Variants in MORC2 observed in about 807,000 individuals in gnomAD.
MORC2 encodes the protein MORC family CW-type zinc finger 2, also known as ATPase MORC2.
In MORC2, 30 loss-of-function variants were observed where a neutral mutation model predicts 136.0. That is an observed-to-expected ratio of 0.22 (90% CI 0.17 to 0.30). The LOEUF is 0.30. Among genes scored for constraint, MORC2 ranks in the 10% least tolerant of loss-of-function variants. The pLI is 1.00. For synonymous variants in MORC2, 439 were observed against 487.0 expected (o/e 0.90, Z 1.30); for missense variants, 922 against 1,333.1 (o/e 0.69, Z 4.80).
intron 4 of MORC2, 39 bp downstream of exon 4, chr22:30,950,338 C>CGGGGGGGGGGG: frequency 1.4e-6 from 1 of 695,174 alleles, no homozygotes; most frequent in Non-Finnish European, 2.6e-6. Flanking sequence ...GGTTACATCG[C>CGGGGGGGGGGG]ACCCCCCCAC....
At chr22:30,952,270 G>A (rs2040899863) in intron 3 of MORC2, among the ~76,000 whole-genome samples, 1 of 152,244 alleles carries the variant, frequency 6.6e-6, no homozygotes, top group South Asian at 2.1e-4. Context: ...GCCATTTGCT[G>A]TACACTACAG....
rs1287544201 is a variant in MORC2, at chr22:30,925,298, A to C, written c.*1505T>G. The C allele has an allele frequency of 1.1e-5, 3 of 282,306 alleles. No homozygotes were observed. The highest frequency in any genetic ancestry group is 3.4e-5 in the South Asian group (1 of 29,040). 17.5% of individuals were successfully genotyped at this position (282,306 alleles called of 1,614,324 possible). On this transcript the variant is annotated 3_prime_UTR_variant, in exon 26 of 26. Transcript: ENST00000397641. ...CCCATGCTGCCTGAGATGAAGAGAGAGAGCAGGATGGCAGAGGAATCACCA... is the reference window on the plus strand; with the variant it reads ...CCCATGCTGCCTGAGATGAAGAGAGCGAGCAGGATGGCAGAGGAATCACCA...
intron 4 of MORC2, 25 bp downstream of exon 4, chr22:30,950,352 C>CCCCCCA: frequency 6.9e-7 from 1 of 1,449,962 alleles, no homozygotes; most frequent in Non-Finnish European, 9.7e-7. Flanking sequence ...CCCCCACCCC[C>CCCCCCA]CAAAACAATA....
At chr22:30,966,448 G>A (rs1445576574) in intron 1 of MORC2, among the ~76,000 whole-genome samples, 1 of 152,146 alleles carries the variant, frequency 6.6e-6, no homozygotes, top group Non-Finnish European at 1.5e-5. Flanking sequence ...GTGTTTCAGG[G>A]TCATCATACT....
At chr22:30,959,473 G>T (rs1213343951) in intron 1 of MORC2, among the ~76,000 whole-genome samples, 1 of 152,182 alleles carries the variant, frequency 6.6e-6, no homozygotes, top group Non-Finnish European at 1.5e-5. Context: ...ACACAAAAGT[G>T]TATGAGTTTC....
chr22:30,960,551 C>T lies in MORC2; in HGVS notation c.69-1857G>A, dbSNP rs370512881. Among the ~76,000 whole-genome samples the T allele has an allele frequency of 1.1e-4, 16 of 151,820 alleles. No homozygotes were observed. In the South Asian group the frequency reaches 2.9e-3, roughly 28 times the overall value. ...TTGCCCAGGCTGGAGTGCAATGGCG[C>T]AATCTCCGCTCACTGCAACCTCCGC... is the stretch of plus-strand genomic sequence containing the variant. On this transcript the variant is annotated intron_variant, in intron 1 of 25. Coordinates refer to ENST00000397641, the MANE Select transcript of MORC2 (RefSeq NM_001303256.3).
At position 30,932,784 on chromosome 22, in the gene MORC2, C is replaced by A; in HGVS notation, c.2523-15G>T. 6.2e-7 allele frequency: 1 copy of A among 1,613,514 alleles called. No homozygotes were observed. The highest frequency in any genetic ancestry group is 1.1e-5 in the South Asian group (1 of 91,068). ...CTTTCTCCACCCTGTGGAAGACACA[C>A]AGCTTATGTCATGTCTGACCCGGGC... is the stretch of plus-strand genomic sequence containing the variant. On this transcript the variant is annotated splice_polypyrimidine_tract_variant and intron_variant, in intron 22 of 25. Transcript: ENST00000397641. The surrounding 1 kb of genome is among the most constrained non-coding windows in gnomAD (Gnocchi z 4.4).
chr22:30,928,607 T>C (rs2040526321), intron 24 of MORC2, among the ~76,000 whole-genome samples: 2 of 152,214 alleles, frequency 1.3e-5, no homozygotes, highest in South Asian at 4.1e-4. Flanking sequence ...TACCCAACAA[T>C]GTCAGCGCTC....
intron 1 of MORC2, among the ~76,000 whole-genome samples, chr22:30,960,904 G>A (rs1456478952): frequency 2.7e-5 from 4 of 150,094 alleles, no homozygotes; most frequent in African/African-American, 9.8e-5. Context: ...TCACTGCGTC[G>A]CCCAGGCTGG....
At chr22:30,949,234 T>A (rs1382057982) in intron 5 of MORC2, among the ~76,000 whole-genome samples, 1 of 152,222 alleles carries the variant, frequency 6.6e-6, no homozygotes, top group Non-Finnish European at 1.5e-5. Flanking sequence ...CCATGGGATT[T>A]GAAGACATTA....
rs2041161688 is a variant in MORC2 at position 30,968,361 on chromosome 22, T to C, written c.-472A>G. On this transcript the variant is annotated 5_prime_UTR_variant, in exon 1 of 26. Coordinates refer to ENST00000397641, the MANE Select transcript of MORC2 (RefSeq NM_001303256.3). ...TGTCAGAAAACTGATCAGCCATGTC[T>C]TCGCCACACGTGATGCCAGGATTCT... is the stretch of plus-strand genomic sequence containing the variant. 6.4e-6 allele frequency: 1 copy of C among 155,828 alleles called. No individual in the cohort carries two copies. Among genetic ancestry groups the C allele is most frequent in the South Asian group, 1.7e-4 (1 of 5,724 alleles). 9.7% of individuals were successfully genotyped at this position (155,828 alleles called of 1,614,324 possible). A position where few individuals can be genotyped will look rare whatever the true frequency, so the allele number is the denominator to read the frequency against.
rs368262705 is a variant in MORC2, at chr22:30,933,432, C to T, written c.2380+34G>A. 78 of 1,610,482 alleles carry T rather than the reference C, an allele frequency of 4.8e-5. 3 individuals are homozygous for T. The East Asian group carries it at 7.4e-4, about 15-fold the overall frequency. On this transcript the variant is annotated intron_variant, in intron 21 of 25. Coordinates refer to ENST00000397641, the MANE Select transcript of MORC2 (RefSeq NM_001303256.3). ...CCACTTCCACTCCCACTCCCACCCC[C>T]GCCACAGGCTGCCAAGTCACTCCCC...
At chr22:30,950,353 C>CCAAAAAAAA in intron 4 of MORC2, 24 bp downstream of exon 4, 6 of 1,481,916 alleles carry the variant, frequency 4.0e-6, no homozygotes, top group Non-Finnish European at 4.7e-6. Context: ...CCCCACCCCC[C>CCAAAAAAAA]AAAACAATAA....
chr22:30,950,340 C>CGG, intron 4 of MORC2, 37 bp downstream of exon 4: 1 of 432,068 alleles, frequency 2.3e-6, no homozygotes, highest in Non-Finnish European at 4.3e-6. Context: ...TTACATCGCA[C>CGG]CCCCCCACCC....
intron 10 of MORC2, 91 bp downstream of exon 10, chr22:30,940,667 G>T: frequency 1.8e-6 from 2 of 1,115,832 alleles, no homozygotes; most frequent in African/African-American, 1.5e-5. Context: ...CTGAGTTGTG[G>T]ACTCAGCCTT....
intron 1 of MORC2, among the ~76,000 whole-genome samples, chr22:30,960,635 T>G (rs775251438): frequency 6.6e-6 from 1 of 150,488 alleles, no homozygotes; most frequent in East Asian, 2.0e-4. Context: ...ATTACAAGCA[T>G]AGGCCACCAT....
rs2040607770 is a variant in MORC2, at chr22:30,933,535, G to A, written c.2326-15C>T. ...CTGTCTGAGAGCTGCGTGGAGAGCAGTCTATTAGAGGCATCCCCAGTGCCC... is the reference window on the plus strand; with the variant it reads ...CTGTCTGAGAGCTGCGTGGAGAGCAATCTATTAGAGGCATCCCCAGTGCCC... On this transcript the variant is annotated splice_polypyrimidine_tract_variant and intron_variant, in intron 20 of 25. Coordinates refer to ENST00000397641, the MANE Select transcript of MORC2 (RefSeq NM_001303256.3). The A allele has an allele frequency of 6.2e-7, 1 of 1,613,072 alleles. No individual in the cohort carries two copies. The highest frequency in any genetic ancestry group is 8.5e-7 in the Non-Finnish European group (1 of 1,179,792).
chr22:30,945,545 G>C (rs925288143), intron 6 of MORC2, among the ~76,000 whole-genome samples: 1 of 152,206 alleles, frequency 6.6e-6, no homozygotes, highest in Admixed American at 6.5e-5. Context: ...TAGGAAAGGA[G>C]ATAAGAGTCC....
At chr22:30,950,311 AAGTATT>A in intron 4 of MORC2, 60 bp downstream of exon 4, 2 of 1,501,538 alleles carry the variant, frequency 1.3e-6, no homozygotes, top group South Asian at 2.3e-5. Context: ...TTCACACAAT[AAGTATT>A]TTGTAAAAAT....
Sources: gnomAD v4.1 joint callset for allele counts (sites outside exome capture counted in the v4.1 genomes callset) on GRCh38, gnomAD v4.1.1 for gene constraint, Gnocchi (gnomAD v3.1) non-coding constraint, MANE v1.5 for transcripts, NCBI Gene and HGNC (gene_info 2026-07-23, HGNC 2026-07-21) for gene names.